SLC6A9: variants seen among roughly 807,000 people sequenced by gnomAD.
SLC6A9 encodes solute carrier family 6 member 9.
In SLC6A9, 31 loss-of-function variants were observed where a neutral mutation model predicts 70.9. The ratio of observed to expected loss-of-function variants is 0.44; its 90% CI spans 0.33 to 0.59. SLC6A9 has a LOEUF of 0.59. Ranked by LOEUF, SLC6A9 falls within the 20% of genes least tolerant of loss-of-function variation. The probability of loss-of-function intolerance (pLI) is 0.04; values close to 1 mark genes in which losing one functional copy is unlikely to be tolerated. For synonymous variants in SLC6A9, 310 were observed against 341.3 expected (o/e 0.91, Z 1.01); for missense variants, 631 against 845.2 (o/e 0.75, Z 3.14).
In SLC6A9 at chr1:44,000,760, A is replaced by G. The variant is rs1399517496; in HGVS notation, c.1536+7T>C. On this transcript the variant is annotated splice_region_variant and intron_variant, in intron 12 of 13. Transcript: ENST00000372310. ...GGGGGAAGGGAGGGGCCGGCCAGGG[A>G]ACTCACGAAGATGATGGCGGGAGAG... 6.3e-7 allele frequency: 1 copy of G among 1,581,946 alleles called. No individual in the cohort carries two copies. The highest frequency in any genetic ancestry group is 8.6e-7 in the Non-Finnish European group (1 of 1,156,830).
rs1056403463 is a variant in SLC6A9 at position 43,997,362 on chromosome 1, A to G, written c.*183T>C. ...CCCCCAGCTGCTATCTTGGCATCCA[A>G]AGGACATGTAAACACTGGGGACATG... On this transcript the variant is annotated 3_prime_UTR_variant, in exon 14 of 14. Coordinates refer to ENST00000372310, the MANE Select transcript of SLC6A9 (RefSeq NM_001024845.3). This position sits in a 1 kb window ranked among gnomAD's most constrained non-coding sequence, Gnocchi z 4.4. 1 of 605,902 alleles carries G rather than the reference A, an allele frequency of 1.7e-6. No homozygotes were observed. Among genetic ancestry groups the G allele is most frequent in the Admixed American group, 3.0e-5 (1 of 32,946 alleles). The allele number at this position is 605,902 out of a possible 1,614,324, so 37.5% of individuals were successfully genotyped here.
chr1:44,028,995 G>T (rs556752540), intron 1 of SLC6A9, among the ~76,000 whole-genome samples: 1 of 152,178 alleles, frequency 6.6e-6, no homozygotes, highest in South Asian at 2.1e-4. Context: ...GGTTTCTGCT[G>T]GTGCAGTGGG....
chr1:44,010,039 A>T lies in SLC6A9; in HGVS notation c.245T>A (p.Phe82Tyr). 1 of 1,614,098 alleles carries T rather than the reference A, an allele frequency of 6.2e-7. No homozygotes were observed. Among genetic ancestry groups the T allele is most frequent in the Non-Finnish European group, 8.5e-7 (1 of 1,179,966 alleles). Residue 82 changes from phenylalanine (F) to tyrosine (Y), a missense_variant, in exon 4 of 14, where the codon TTC becomes TAC. By Grantham distance (22) the Phe-to-Tyr change is conservative (BLOSUM62 3). Transcript: ENST00000372310. ...MLIFCGIPLF[F>Y]MELSFGQFAS... ...AAACTGGCCGAAGGAGAGCTCCATGAAGAAGAGGGGGATCCCGCAGAAGAT... is the reference window on the plus strand; with the variant it reads ...AAACTGGCCGAAGGAGAGCTCCATGTAGAAGAGGGGGATCCCGCAGAAGAT...
rs1008258447 is a variant in SLC6A9, at chr1:44,016,241, G to A, written c.31-5359C>T. Among the ~76,000 whole-genome samples, 3 of 152,324 alleles carry A rather than the reference G, an allele frequency of 2.0e-5. No homozygotes were observed. In the South Asian group the frequency reaches 6.2e-4, roughly 32 times the overall value. The stretch of plus-strand genomic sequence containing the variant: ...ATGTCCTGTGCTGCAGCGGCTGGGG[G>A]CGGCGTCTACCCTCACTGGCTAGCA... On this transcript the variant is annotated intron_variant, in intron 2 of 13. Transcript: ENST00000372310.
chr1:44,030,710 C>T (rs944977140), intron 1 of SLC6A9, among the ~76,000 whole-genome samples: 2 of 152,062 alleles, frequency 1.3e-5, no homozygotes, highest in African/African-American at 2.4e-5. Context: ...CGCGGCTTCC[C>T]GGGTCCCGCG....
In SLC6A9 at chr1:44,011,196, C is replaced by A. The variant is rs577762663; in HGVS notation, c.31-314G>T. On this transcript the variant is annotated intron_variant, in intron 2 of 13. Coordinates refer to ENST00000372310, the MANE Select transcript of SLC6A9 (RefSeq NM_001024845.3). ...GGAGCTAGGGCCAGGAGCCCCCAAG[C>A]CCCTCCAAAACCTCCCCTTGCCCCT... is the stretch of plus-strand genomic sequence containing the variant. 3.7e-4 allele frequency among the ~76,000 whole-genome samples: 56 copies of A among 152,282 alleles called. No homozygotes were observed. The South Asian group carries it at 0.011, about 30-fold the overall frequency.
intron 11 of SLC6A9, 23 bp from the exon 12 acceptor site, chr1:44,000,890 G>A (rs1239014375): frequency 6.3e-7 from 1 of 1,597,008 alleles, no homozygotes; most frequent in African/African-American, 1.3e-5. Flanking sequence ...GGGGTCAGCA[G>A]ACCCGCAGGA....
chr1:44,017,384 C>T (rs2086788926), intron 2 of SLC6A9: 3 of 1,203,444 alleles, frequency 2.5e-6, no homozygotes, highest in Middle Eastern at 3.2e-4. Context: ...CACACACACA[C>T]ACACACACAC....
intron 4 of SLC6A9, among the ~76,000 whole-genome samples, chr1:44,008,912 G>A (rs1204739569): frequency 6.6e-6 from 1 of 151,686 alleles, no homozygotes; most frequent in Non-Finnish European, 1.5e-5. Flanking sequence ...AGTAGAGACG[G>A]GGTTTCACTG....
In SLC6A9 at chr1:44,002,679, G is replaced by T. The variant is rs1220031428; in HGVS notation, c.724-33C>A. On this transcript the variant is annotated intron_variant, in intron 6 of 13. Coordinates refer to ENST00000372310, the MANE Select transcript of SLC6A9 (RefSeq NM_001024845.3). This position sits in a 1 kb window ranked among gnomAD's most constrained non-coding sequence, Gnocchi z 5.5. ...AAGAGGGCTCCATGGACTCTTCTGG[G>T]CTCTCCCCTCCCCTGGGCACCACCA... The T allele has an allele frequency of 2.5e-6, 4 of 1,613,046 alleles. No homozygotes were observed. The Admixed American group carries it at 6.7e-5, about 27-fold the overall frequency.
chr1:44,011,513 G>A, intron 2 of SLC6A9: 1 of 1,558,560 alleles, frequency 6.4e-7, no homozygotes, highest in East Asian at 2.2e-5. Context: ...AGGGTCCGGG[G>A]AGCTAGCTAC....
At position 44,001,227 on chromosome 1, in the gene SLC6A9, CT is replaced by C; in HGVS notation, c.1271del (p.Lys424ArgfsTer4). 6.2e-7 allele frequency: 1 copy of C among 1,614,228 alleles called. No individual in the cohort carries two copies. The highest frequency in any genetic ancestry group is 8.5e-7 in the Non-Finnish European group (1 of 1,180,032). ...CAGCCACGCCCAAGGTCACATAGGT[CT>C]TTTTCTGCAGGATCCACTCATTCCC... ...EVGNEWILQK[K>X]TYVTLGVAVA... On this transcript the variant is annotated frameshift_variant, in exon 10 of 14. Transcript: ENST00000372310. LOFTEE classifies it high-confidence loss of function.
chr1:44,005,931 C>T (rs1049665970), intron 5 of SLC6A9, among the ~76,000 whole-genome samples: 1 of 152,200 alleles, frequency 6.6e-6, no homozygotes, highest in African/African-American at 2.4e-5. Context: ...TAGAGTGCAG[C>T]GGCTCCACCA....
chr1:43,997,802 T>C lies in SLC6A9; in HGVS notation c.1707+53A>G. ...GTCAGGAGGGAGCCCTTAAGCCCCT[T>C]CCAGCTGGCCCCTCCCATTTTGCCT... On this transcript the variant is annotated intron_variant, in intron 13 of 13. Coordinates refer to ENST00000372310, the MANE Select transcript of SLC6A9 (RefSeq NM_001024845.3). The surrounding 1 kb of genome is among the most constrained non-coding windows in gnomAD (Gnocchi z 4.4). The C allele has an allele frequency of 6.3e-7, 1 of 1,588,298 alleles. No individual in the cohort carries two copies. Among genetic ancestry groups the C allele is most frequent in the East Asian group, 2.2e-5 (1 of 44,522 alleles).
chr1:44,020,362 T>C (rs993594179), intron 2 of SLC6A9, among the ~76,000 whole-genome samples: 49 of 152,146 alleles, frequency 3.2e-4, no homozygotes, highest in African/African-American at 1.1e-3. Flanking sequence ...GCCCCTGTGG[T>C]GTGCTAGGTC....
intron 5 of SLC6A9, among the ~76,000 whole-genome samples, chr1:44,004,276 G>C (rs144648848): frequency 1.3e-4 from 19 of 148,822 alleles, no homozygotes; most frequent in Non-Finnish European, 2.4e-4. Flanking sequence ...GATTACAGGC[G>C]TGAGCCACCA....
intron 2 of SLC6A9, chr1:44,017,426 G>T: frequency 8.8e-7 from 1 of 1,133,620 alleles, no homozygotes; most frequent in Non-Finnish European, 1.1e-6. Flanking sequence ...GGCAGAGCAG[G>T]CGAGAGGGTG....
intron 1 of SLC6A9, among the ~76,000 whole-genome samples, chr1:44,024,920 CAGGTGAAATT>C (rs1029481404): frequency 4.6e-5 from 7 of 152,224 alleles, no homozygotes; most frequent in African/African-American, 1.7e-4. Context: ...AGCAGTTCAC[CAGGTGAAATT>C]CTACAAATCT....
chr1:44,011,390 C>T (rs1449011206), intron 2 of SLC6A9, among the ~76,000 whole-genome samples: 2 of 152,080 alleles, frequency 1.3e-5, no homozygotes, highest in Non-Finnish European at 2.9e-5. Flanking sequence ...TTAGACCCCT[C>T]CCCCAGCTGA....
Sources: allele counts gnomAD v4.1 joint callset (sites outside exome capture counted in the v4.1 genomes callset), GRCh38; gene constraint gnomAD v4.1.1; non-coding constraint Gnocchi (gnomAD v3.1); transcripts MANE v1.5; gene names NCBI Gene and HGNC (gene_info 2026-07-23, HGNC 2026-07-21).